PLCH2: variants seen among roughly 807,000 people sequenced by gnomAD.
The protein encoded by PLCH2 is 1-phosphatidylinositol 4,5-bisphosphate phosphodiesterase eta-2.
In PLCH2, 98 loss-of-function variants were observed where a neutral mutation model predicts 134.7. The observed-to-expected ratio is 0.73, with a 90% CI of 0.62 to 0.86. PLCH2 has a LOEUF of 0.86. Among genes scored for constraint, PLCH2 ranks in the 40% least tolerant of loss-of-function variants. The pLI, the probability that PLCH2 is intolerant of heterozygous loss-of-function variation, is 0.00. For missense variants in PLCH2, 1,994 were observed against 1,986.6 expected, an observed-to-expected ratio of 1.00 and a Z score of -0.07; for synonymous variants, 974 against 827.5, an observed-to-expected ratio of 1.18 and a Z score of -3.04.
At chr1:2,440,324 G>C (rs1004604900) in intron 2 of PLCH2, among the ~76,000 whole-genome samples, 36 of 152,174 alleles carry the variant, frequency 2.4e-4, no homozygotes, top group Non-Finnish European at 3.7e-4. Context: ...CCTGGCTGCC[G>C]GGGTTGCCCC....
intron 2 of PLCH2, among the ~76,000 whole-genome samples, chr1:2,450,713 G>GCTCCCCGCCTGC (rs1640177894): frequency 5.9e-5 from 1 of 16,822 alleles, no homozygotes; most frequent in Non-Finnish European, 1.1e-4. Flanking sequence ...CTCCCCGCCT[G>GCTCCCCGCCTGC]CCCCCCGCTC....
chr1:2,501,352 C>T (rs1643215651), intron 20 of PLCH2: 1 of 152,268 alleles, frequency 6.6e-6, no homozygotes, highest in Non-Finnish European at 1.5e-5. Context: ...GCTGTTCTGC[C>T]CAGGCAGGGA....
At chr1:2,502,433 G>A in intron 21 of PLCH2, 24 bp downstream of exon 21, 2 of 1,543,742 alleles carry the variant, frequency 1.3e-6, no homozygotes, top group Non-Finnish European at 8.7e-7. Context: ...TGCGGTGGCA[G>A]AGAAGAGCCC....
Position 2,478,622 on chromosome 1 carries a change from A to G in PLCH2, c.271A>G (p.Ile91Val). 6.2e-7 allele frequency: 1 copy of G among 1,606,972 alleles called. No homozygotes were observed. The highest frequency in any genetic ancestry group is 8.5e-7 in the Non-Finnish European group (1 of 1,177,394). The change falls in exon 2 of 22, where the codon ATC becomes GTC. Residue 91 changes from isoleucine to valine, a missense_variant and splice_region_variant. Coordinates refer to ENST00000378486, the MANE Select transcript of PLCH2 (RefSeq NM_014638.4). ...RPSRKNEKAK[I>V]SIDSIQEVSE... ...CTCACGCAAGAACGAGAAGGCCAAG[A>G]GTGAGTGGGAGCCCTGGGGTGGGGA...
In PLCH2 at chr1:2,439,555, G is replaced by A. The variant is rs868070538; in HGVS notation, c.115+8926G>A. Among the ~76,000 whole-genome samples the A allele has an allele frequency of 6.6e-6, 1 of 152,242 alleles. No individual in the cohort carries two copies. ...GCTGCTGAGGATTGCACGTTTACCC[G>A]ATTAAGCCCATTGATTGAGTTGCGT... On this transcript the variant is annotated intron_variant, in intron 2 of 3. Coordinates refer to the PLCH2 transcript ENST00000609981. The surrounding 1 kb of genome is among the most constrained non-coding windows in gnomAD (Gnocchi z 4.7).
intron 11 of PLCH2, chr1:2,493,466 C>T (rs909171311): frequency 1.3e-5 from 2 of 152,386 alleles, no homozygotes; most frequent in African/African-American, 4.8e-5. Flanking sequence ...GTCTGAGAGC[C>T]ATGTGGACCT....
chr1:2,489,481 T>A, intron 9 of PLCH2, 103 bp downstream of exon 9: 1 of 1,243,600 alleles, frequency 8.0e-7, no homozygotes, highest in Non-Finnish European at 1.1e-6. Context: ...TCCATGGGCA[T>A]ATCTAGGGGG....
rs146815079 is a variant in PLCH2, at chr1:2,469,777, G to A, written c.43+2115G>A. ...TCCTGTGTGGGAAAGGCGAGTGGGCGCGGGCCTCCCGTGTGGGGGCAGGGT... is the reference window on the plus strand; with the variant it reads ...TCCTGTGTGGGAAAGGCGAGTGGGCACGGGCCTCCCGTGTGGGGGCAGGGT... On this transcript the variant is annotated intron_variant, in intron 1 of 21. Transcript: ENST00000449969. Among the ~76,000 whole-genome samples the A allele has an allele frequency of 1.1e-4, 17 of 152,354 alleles. 1 individual carries two copies. Among genetic ancestry groups the A allele is most frequent in the African/African-American group, 4.1e-4 (17 of 41,580 alleles).
Position 2,505,444 on chromosome 1 carries a change from C to T in PLCH2, c.*231C>T, listed in dbSNP as rs1174323862. On this transcript the variant is annotated 3_prime_UTR_variant, in exon 22 of 22. Coordinates refer to ENST00000378486, the MANE Select transcript of PLCH2 (RefSeq NM_014638.4). ...GGCTGGCCCTGCCAGGCAGTTTTCC[C>T]GGCGTTTTAGGATCTGTACATAGAG... 5 of 567,918 alleles carry T rather than the reference C, an allele frequency of 8.8e-6. No individual in the cohort carries two copies. The highest frequency in any genetic ancestry group is 4.6e-4 in the Middle Eastern group (1 of 2,176). 35.2% of individuals were successfully genotyped at this position (567,918 alleles called of 1,614,324 possible).
chr1:2,425,225 C>T (rs971826390), upstream of PLCH2, among the ~76,000 whole-genome samples: 1 of 150,006 alleles, frequency 6.7e-6, no homozygotes, highest in African/African-American at 2.5e-5. Context: ...CACACACACA[C>T]ATATTTACAC....
chr1:2,428,482 G>C (rs1015345512), intron 1 of PLCH2, among the ~76,000 whole-genome samples: 1 of 152,254 alleles, frequency 6.6e-6, no homozygotes, highest in African/African-American at 2.4e-5. Context: ...CCTGCATGGG[G>C]TCCTGCGTCT....
intron 21 of PLCH2, chr1:2,502,716 G>C (rs1284564839): frequency 1.4e-6 from 1 of 714,502 alleles, no homozygotes; most frequent in Admixed American, 2.0e-5. Flanking sequence ...CCTGGGGCCT[G>C]GAGGCAGGGT....
At chr1:2,459,080 T>C (rs1640641956) in intron 2 of PLCH2, among the ~76,000 whole-genome samples, 1 of 152,232 alleles carries the variant, frequency 6.6e-6, no homozygotes, top group South Asian at 2.1e-4. Context: ...GTGGCTGGGT[T>C]GCACCCATCT....
chr1:2,444,188 C>T lies in PLCH2; in HGVS notation c.115+13559C>T, dbSNP rs1639831837. 1.3e-5 allele frequency among the ~76,000 whole-genome samples: 2 copies of T among 152,106 alleles called. No individual in the cohort carries two copies. Among genetic ancestry groups the T allele is most frequent in the Admixed American group, 1.3e-4 (2 of 15,286 alleles). Reference sequence around the variant, plus strand: ...TGAGCTCTCCGGATGGCCTCAGGTGCGGGGTGAGGGATCTGGGGGCCGCCC... The same window carrying T: ...TGAGCTCTCCGGATGGCCTCAGGTGTGGGGTGAGGGATCTGGGGGCCGCCC... On this transcript the variant is annotated intron_variant, in intron 2 of 3. Coordinates refer to the PLCH2 transcript ENST00000609981. This position sits in a 1 kb window ranked among gnomAD's most constrained non-coding sequence, Gnocchi z 4.6.
At chr1:2,437,863 T>C (rs1037920903) in intron 2 of PLCH2, among the ~76,000 whole-genome samples, 1 of 152,164 alleles carries the variant, frequency 6.6e-6, no homozygotes, top group African/African-American at 2.4e-5. Context: ...ACACAGTACA[T>C]GCACCCACGC....
chr1:2,448,175 C>T lies in PLCH2; in HGVS notation c.115+17546C>T, dbSNP rs1640027663. Among the ~76,000 whole-genome samples, 1 of 152,220 alleles carries T rather than the reference C, an allele frequency of 6.6e-6. No homozygotes were observed. The highest frequency in any genetic ancestry group is 6.5e-5 in the Admixed American group (1 of 15,292). Reference sequence around the variant, plus strand: ...CGCCAGGTGCCCCGGGTGTCTGGAGCACCACGACATGGAGGGGTGTGTTTC... The same window carrying T: ...CGCCAGGTGCCCCGGGTGTCTGGAGTACCACGACATGGAGGGGTGTGTTTC... On this transcript the variant is annotated intron_variant, in intron 2 of 3. Coordinates refer to the PLCH2 transcript ENST00000609981. The surrounding 1 kb of genome is among the most constrained non-coding windows in gnomAD (Gnocchi z 4.0).
At chr1:2,428,340 C>A (rs2100474087) in intron 1 of PLCH2, among the ~76,000 whole-genome samples, 1 of 152,336 alleles carries the variant, frequency 6.6e-6, no homozygotes, top group South Asian at 2.1e-4. Flanking sequence ...AGCCAGTGCT[C>A]CTCTGACCTG....
At chr1:2,465,899 C>G (rs140504508), upstream of PLCH2, among the ~76,000 whole-genome samples, 1 of 152,206 alleles carries the variant, frequency 6.6e-6, no homozygotes, top group African/African-American at 2.4e-5. Flanking sequence ...AGCCCGCACA[C>G]CCCTCTCCCT....
At chr1:2,422,640 T>C (rs1284063460), upstream of PLCH2, among the ~76,000 whole-genome samples, 1 of 152,230 alleles carries the variant, frequency 6.6e-6, no homozygotes, top group Non-Finnish European at 1.5e-5. Context: ...ATCTGTTGTG[T>C]TACATTATCA....
Sources: allele counts gnomAD v4.1 joint callset (sites outside exome capture counted in the v4.1 genomes callset), GRCh38; gene constraint gnomAD v4.1.1; non-coding constraint Gnocchi (gnomAD v3.1); transcripts MANE v1.5; gene names NCBI Gene and HGNC (gene_info 2026-07-23, HGNC 2026-07-21).